The following RBM6 variants were observed in gnomAD, a reference collection of about 807,000 sequenced individuals.
RBM6 encodes the protein RNA-binding protein 6.
In RBM6, 23 loss-of-function variants were observed where a neutral mutation model predicts 140.4. That is an observed-to-expected ratio of 0.16 (90% CI 0.12 to 0.23). RBM6 has a LOEUF of 0.23. Among genes scored for constraint, RBM6 ranks in the 10% least tolerant of loss-of-function variants. RBM6 has a pLI of 1.00. For synonymous variants in RBM6, 439 were observed against 475.6 expected, an observed-to-expected ratio of 0.92 and a Z score of 1.00; for missense variants, 1,139 against 1,386.7, an observed-to-expected ratio of 0.82 and a Z score of 2.84.
chr3:49,991,232 G>C (rs557326702), intron 5 of RBM6, among the ~76,000 whole-genome samples: 1 of 152,312 alleles, frequency 6.6e-6, no homozygotes, highest in African/African-American at 2.4e-5. Flanking sequence ...GAGTGTAGGA[G>C]TCTCTGTCCT....
intron 1 of RBM6, among the ~76,000 whole-genome samples, chr3:49,958,782 C>CTTTTT: frequency 8.7e-6 from 1 of 114,346 alleles, no homozygotes; most frequent in Non-Finnish European, 1.7e-5. Context: ...TGAAGAATTC[C>CTTTTT]TTTTTTTTTT....
chr3:49,972,267 A>AT (rs908732207), intron 4 of RBM6, 119 bp downstream of exon 4: 7 of 763,530 alleles, frequency 9.2e-6, no homozygotes, highest in African/African-American at 1.8e-5. Flanking sequence ...AGTCTTGTGT[A>AT]TTTTTTTCCC....
At position 50,064,821 on chromosome 3, in the gene RBM6, C is replaced by T. The variant is rs7644442; in HGVS notation, c.2587-210C>T. 2.9e-3 allele frequency among the ~76,000 whole-genome samples: 434 copies of T among 152,154 alleles called. 1 individual carries two copies. Among genetic ancestry groups the T allele is most frequent in the African/African-American group, 9.9e-3 (411 of 41,488 alleles). ...CCTACTAACTGGGACTACAGGTGCC[C>T]GCCACCACGCCCAGCTAATTTTTTG... On this transcript the variant is annotated intron_variant, in intron 15 of 20. Coordinates refer to ENST00000266022, the MANE Select transcript of RBM6 (RefSeq NM_005777.3).
At chr3:49,997,948 G>A (rs1347534816) in intron 5 of RBM6, among the ~76,000 whole-genome samples, 2 of 152,164 alleles carry the variant, frequency 1.3e-5, no homozygotes, top group African/African-American at 4.8e-5. Flanking sequence ...TAAGTTTGGA[G>A]GGGTTAGTTT....
Position 49,975,338 on chromosome 3 carries a change from C to G in RBM6, c.1429C>G (p.Arg477Gly). Residue 477 changes from arginine (R) to glycine (G), a missense_variant, in exon 5 of 21, where the codon CGG becomes GGG. Physicochemically the swap from Arg to Gly is moderately radical, Grantham distance 125. Around this residue, in one of 9 missense-constraint regions of RBM6, gnomAD observed 566 missense variants for 612.7 expected, o/e 0.92. Coordinates refer to ENST00000266022, the MANE Select transcript of RBM6 (RefSeq NM_005777.3). ...ATKEEILNAFRTPDGMPVKNL... is the reference protein window; with the variant it reads ...ATKEEILNAFGTPDGMPVKNL... ...ATTTTTGCAGATTCTTAATGCTTTT[C>G]GGACTCCTGATGGCATGCCTGTAAA... is the stretch of plus-strand genomic sequence containing the variant. The G allele has an allele frequency of 1.9e-6, 3 of 1,613,252 alleles. No individual in the cohort carries two copies. Among genetic ancestry groups the G allele is most frequent in the Non-Finnish European group, 2.5e-6 (3 of 1,179,242 alleles).
intron 1 of RBM6, among the ~76,000 whole-genome samples, chr3:49,958,611 C>T (rs1009691526): frequency 6.6e-6 from 1 of 150,884 alleles, no homozygotes; most frequent in African/African-American, 2.4e-5. Flanking sequence ...ATTAGCCGGG[C>T]GTGGTGGCGG....
intron 13 of RBM6, 79 bp from the exon 14 acceptor site, chr3:50,061,383 T>G (rs2089936764): frequency 2.5e-6 from 4 of 1,578,686 alleles, no homozygotes; most frequent in Non-Finnish European, 3.4e-6. Flanking sequence ...GTCACCCTAA[T>G]TCTTGGGTTC....
chr3:50,047,996 C>T (rs2089297425), intron 6 of RBM6, among the ~76,000 whole-genome samples: 1 of 152,108 alleles, frequency 6.6e-6, no homozygotes, highest in African/African-American at 2.4e-5. Flanking sequence ...AGGACAGCAC[C>T]CTAACCTGCA....
At chr3:49,962,431 CAAA>C (rs201474763) in intron 1 of RBM6, 142 bp from the exon 2 acceptor site, 29 of 430,648 alleles carry the variant, frequency 6.7e-5, no homozygotes, top group East Asian at 2.2e-4. Flanking sequence ...GACTCCATCT[CAAA>C]AAAAAAAAAG....
intron 8 of RBM6, among the ~76,000 whole-genome samples, chr3:50,056,016 G>T (rs2089680560): frequency 6.6e-6 from 1 of 152,158 alleles, no homozygotes; most frequent in Admixed American, 6.5e-5. Context: ...TTGTTGCAAG[G>T]TTAGAGTTTA....
At position 50,068,669 on chromosome 3, in the gene RBM6, T is replaced by C. The variant is rs776231940; in HGVS notation, c.2944-21T>C. 4 of 1,611,040 alleles carry C rather than the reference T, an allele frequency of 2.5e-6. No homozygotes were observed. The Admixed American group carries it at 5.0e-5, about 20-fold the overall frequency. On this transcript the variant is annotated intron_variant, in intron 17 of 20. Transcript: ENST00000266022. ...CCATTGTTTCTTAGACCTATACTCA[T>C]AGAATTGCCTCTCTTCTCAGCAAAA...
chr3:49,981,156 T>G (rs1407870644), intron 5 of RBM6, among the ~76,000 whole-genome samples: 1 of 152,170 alleles, frequency 6.6e-6, no homozygotes, highest in Non-Finnish European at 1.5e-5. Context: ...CACCTCTGCC[T>G]CCCAAAGTGC....
At chr3:50,052,045 T>C (rs2089489114) in intron 7 of RBM6, among the ~76,000 whole-genome samples, 1 of 152,148 alleles carries the variant, frequency 6.6e-6, no homozygotes, top group Non-Finnish European at 1.5e-5. Flanking sequence ...ATTGTACACA[T>C]AAAATAGGTA....
Position 49,949,027 on chromosome 3 carries a change from C to T in RBM6, c.-67+8802C>T, listed in dbSNP as rs533306285. Among the ~76,000 whole-genome samples, 7 of 150,510 alleles carry T rather than the reference C, an allele frequency of 4.7e-5. No individual in the cohort carries two copies. The East Asian group carries it at 1.4e-3, about 30-fold the overall frequency. On this transcript the variant is annotated intron_variant, in intron 1 of 20. Coordinates refer to ENST00000266022, the MANE Select transcript of RBM6 (RefSeq NM_005777.3). Reference sequence around the variant, plus strand: ...TGTATTTTTAGTAGAGATGGAGTTTCACTATATTGGCCAGGCTGGTCTCAA... The same window carrying T: ...TGTATTTTTAGTAGAGATGGAGTTTTACTATATTGGCCAGGCTGGTCTCAA...
chr3:49,962,815 T>A, intron 2 of RBM6, 130 bp downstream of exon 2: 1 of 1,015,182 alleles, frequency 9.9e-7, no homozygotes, highest in Non-Finnish European at 1.4e-6. Context: ...AATAGAAATT[T>A]GGCTGGGCGC....
chr3:49,962,046 C>G lies in RBM6; in HGVS notation c.-66-530C>G, dbSNP rs550824545. On this transcript the variant is annotated intron_variant, in intron 1 of 20. Coordinates refer to ENST00000266022, the MANE Select transcript of RBM6 (RefSeq NM_005777.3). ...CGGCGTGCGCCTGTAGTTCTAGCTA[C>G]TTGGGAGGCTGAGGCAGGAGAATTG... Among the ~76,000 whole-genome samples the G allele has an allele frequency of 5.3e-5, 8 of 151,338 alleles. No individual in the cohort carries two copies. The South Asian group carries it at 1.5e-3, about 28-fold the overall frequency.
At position 49,983,386 on chromosome 3, in the gene RBM6, A is replaced by G. The variant is rs1466515476; in HGVS notation, c.1483+7994A>G. Reference sequence around the variant, plus strand: ...GTGTGCGTGTAGTCTTAGCTACTCAACAGTCCGAGACATGAGCTCAGGAGT... The same window carrying G: ...GTGTGCGTGTAGTCTTAGCTACTCAGCAGTCCGAGACATGAGCTCAGGAGT... On this transcript the variant is annotated intron_variant, in intron 5 of 20. Coordinates refer to ENST00000266022, the MANE Select transcript of RBM6 (RefSeq NM_005777.3). Among the ~76,000 whole-genome samples the G allele has an allele frequency of 3.3e-5, 5 of 152,204 alleles. No individual in the cohort carries two copies. The Middle Eastern group carries it at 0.01, about 311-fold the overall frequency.
At chr3:50,027,401 A>G (rs1309933149) in intron 6 of RBM6, among the ~76,000 whole-genome samples, 6 of 152,218 alleles carry the variant, frequency 3.9e-5, no homozygotes, top group Non-Finnish European at 7.3e-5. Flanking sequence ...AGTTTTTAGT[A>G]TATTCATAAA....
chr3:50,010,900 C>CAAAAAA (rs776065398), intron 6 of RBM6, among the ~76,000 whole-genome samples: 2 of 52,240 alleles, frequency 3.8e-5, no homozygotes, highest in African/African-American at 1.7e-4. Context: ...AAGACTGTCT[C>CAAAAAA]AAAAAAAAAA....
Sources: gnomAD v4.1 joint callset for allele counts (sites outside exome capture counted in the v4.1 genomes callset) on GRCh38, gnomAD v4.1.1 for gene constraint, gnomAD v4.1.1 regional missense constraint, MANE v1.5 for transcripts, NCBI Gene and HGNC (gene_info 2026-07-23, HGNC 2026-07-21) for gene names.